ZIM3: variants seen among roughly 807,000 people sequenced by gnomAD.
The protein encoded by ZIM3 is zinc finger imprinted 3.
In ZIM3, 11 loss-of-function variants were observed where a neutral mutation model predicts 12.9. That is an observed-to-expected ratio of 0.85 (90% CI 0.54 to 1.41). ZIM3 has a LOEUF of 1.41. ZIM3 is among the 40% of genes most tolerant of loss of function. The pLI is 0.00. For missense variants in ZIM3, 604 were observed against 557.2 expected (o/e 1.08, Z -0.85); for synonymous variants, 205 against 198.5 (o/e 1.03, Z -0.28).
chr19:57,138,300 C>G (rs1030957909), intron 3 of ZIM3, among the ~76,000 whole-genome samples, 172 bp downstream of exon 3: 8 of 152,170 alleles, frequency 5.3e-5, no homozygotes, highest in African/African-American at 1.9e-4. Flanking sequence ...AATGGGGGCT[C>G]CTTCAATACA....
rs2086894913 is a variant in ZIM3, at chr19:57,137,919, GA to G, written c.142+552del. On this transcript the variant is annotated intron_variant, in intron 3 of 4. Transcript: ENST00000269834. ...GGAAGGAAAGAAGGAAGGAAGGAAG[GA>G]AAGAAGGAAGGAAGGAAGGAAGGAA... Among the ~76,000 whole-genome samples, 3 of 44,636 alleles carry G rather than the reference GA, an allele frequency of 6.7e-5. 1 individual carries two copies. The highest frequency in any genetic ancestry group is 1.3e-4 in the Non-Finnish European group (3 of 23,270). The allele number at this position is 44,636 out of a possible 152,430, so 29.3% of individuals were successfully genotyped here. A position where few individuals can be genotyped will look rare whatever the true frequency, so the allele number is the denominator to read the frequency against.
chr19:57,135,103 T>C lies in ZIM3; in HGVS notation c.1234A>G (p.Thr412Ala). 6.2e-7 allele frequency: 1 copy of C among 1,614,154 alleles called. No homozygotes were observed. The highest frequency in any genetic ancestry group is 1.1e-5 in the South Asian group (1 of 91,078). ...QKSNLHSHQK[T>A]HSGERTYRCS... ...CTATAGGTCCTCTCTCCGCTATGAG[T>C]TTTCTGATGGCTATGAAGGTTTGAC... Residue 412 changes from threonine (T) to alanine (A), a missense_variant, in exon 5 of 5, where the codon ACT becomes GCT. Thr to Ala is a moderately conservative substitution (Grantham distance 58). Transcript: ENST00000269834.
intron 3 of ZIM3, among the ~76,000 whole-genome samples, chr19:57,137,898 GGAAAGAAGGAAGGAAGGAAGGAAA>G (rs1568458766): frequency 5.2e-4 from 29 of 55,300 alleles, no homozygotes; most frequent in African/African-American, 2.2e-3. Flanking sequence ...AAAGAAGGAA[GGAAAGAAGGAAGGAAGGAAGGAAA>G]GAAGGAAGGA....
At chr19:57,139,052 C>A (rs2122665884) in intron 2 of ZIM3, among the ~76,000 whole-genome samples, 1 of 152,156 alleles carries the variant, frequency 6.6e-6, no homozygotes, top group Middle Eastern at 3.4e-3. Flanking sequence ...TTTGGCCGGG[C>A]ACGGTGGCTC....
Position 57,135,252 on chromosome 19 carries a change from G to C in ZIM3, c.1085C>G (p.Ala362Gly). ...DHEKIHTGKR[A>G]YECDLCGNTF... Reference sequence around the variant, plus strand: ...ATTTCCACATAGATCACACTCATAAGCTCTCTTCCCAGTGTGAATTTTCTC... The same window carrying C: ...ATTTCCACATAGATCACACTCATAACCTCTCTTCCCAGTGTGAATTTTCTC... Residue 362 changes from alanine (A) to glycine (G), a missense_variant, in exon 5 of 5, where the codon GCT becomes GGT. Transcript: ENST00000269834. 6.2e-7 allele frequency: 1 copy of C among 1,614,078 alleles called. No individual in the cohort carries two copies. The highest frequency in any genetic ancestry group is 8.5e-7 in the Non-Finnish European group (1 of 1,180,018).
intron 4 of ZIM3, among the ~76,000 whole-genome samples, chr19:57,136,671 A>G (rs369164970): frequency 1.4e-4 from 11 of 78,270 alleles, no homozygotes; most frequent in Admixed American, 6.9e-4. Context: ...AGAAAAAAAA[A>G]AAAAAGAAAA....
chr19:57,136,603 G>A (rs1025576304), intron 4 of ZIM3, among the ~76,000 whole-genome samples: 2 of 150,818 alleles, frequency 1.3e-5, no homozygotes, highest in African/African-American at 4.9e-5. Flanking sequence ...GGCGGAGGTT[G>A]CAGTGAGCCC....
chr19:57,143,287 C>T (rs1223506341), intron 1 of ZIM3, among the ~76,000 whole-genome samples: 3 of 150,794 alleles, frequency 2.0e-5, no homozygotes, highest in Admixed American at 6.6e-5. Context: ...GCCGAGATCG[C>T]GCCACCGCAC....
Position 57,135,834 on chromosome 19 carries a change from T to A in ZIM3, c.503A>T (p.Lys168Ile). ...NPSKFVGQQL[K>I]CNACRKLFSS... is the part of the protein sequence containing the mutation. ...GAATAACTTTCTACAGGCATTACAT[T>A]TCAGTTGTTGTCCTACAAATTTGGA... Residue 168 changes from lysine to isoleucine, a missense_variant, in exon 5 of 5, where the codon AAA (lysine) becomes ATA (isoleucine). By Grantham distance (102) the Lys-to-Ile change is moderately radical. Coordinates refer to ENST00000269834, the MANE Select transcript of ZIM3 (RefSeq NM_052882.1). 1 of 1,614,134 alleles carries A rather than the reference T, an allele frequency of 6.2e-7. No individual in the cohort carries two copies. The highest frequency in any genetic ancestry group is 8.5e-7 in the Non-Finnish European group (1 of 1,180,018).
In ZIM3 at chr19:57,145,061, G is replaced by A. The variant is rs12986338; in HGVS notation, c.-245C>T. On this transcript the variant is annotated 5_prime_UTR_variant, in exon 1 of 5. Transcript: ENST00000269834. ...CCAAAACACTCACTTCCTATCAAAA[G>A]CCCCACCTGATCCTATCAGGCCACA... 1 of 151,964 alleles carries A rather than the reference G, an allele frequency of 6.6e-6. No individual in the cohort carries two copies. The highest frequency in any genetic ancestry group is 2.4e-5 in the African/African-American group (1 of 41,450). 9.4% of individuals were successfully genotyped at this position (151,964 alleles called of 1,614,324 possible).
Position 57,137,950 on chromosome 19 carries a change from AGAAGGAAG to A in ZIM3, c.142+514_142+521del, listed in dbSNP as rs1198584772. Among the ~76,000 whole-genome samples the A allele has an allele frequency of 1.7e-3, 42 of 24,004 alleles. 1 individual carries two copies. In the East Asian group the frequency reaches 0.019, roughly 11 times the overall value. The allele number at this position is 24,004 out of a possible 152,430, so 15.7% of individuals were successfully genotyped here. A position where few individuals can be genotyped will look rare whatever the true frequency, so the allele number is the denominator to read the frequency against. On this transcript the variant is annotated intron_variant, in intron 3 of 4. Transcript: ENST00000269834. Reference sequence around the variant, plus strand: ...AGGAAGGAAGGAAGGAAGGAAGGAAAGAAGGAAGGAAGGAAGGAAAGAAGGAAGGAAAG... The same window carrying A: ...AGGAAGGAAGGAAGGAAGGAAGGAAAGAAGGAAGGAAAGAAGGAAGGAAAG...
chr19:57,138,306 A>G (rs1207020747), intron 3 of ZIM3, among the ~76,000 whole-genome samples, 166 bp downstream of exon 3: 2 of 152,170 alleles, frequency 1.3e-5, no homozygotes, highest in African/African-American at 4.8e-5. Context: ...GGCTCCTTCA[A>G]TACAGCACTT....
Position 57,138,480 on chromosome 19 carries a change from A to G in ZIM3, c.134T>C (p.Val45Ala). Residue 45 changes from valine (V) to alanine (A), a missense_variant, in exon 3 of 5, where the codon GTC (valine) becomes GCC (alanine). Physicochemically the swap from Val to Ala is moderately conservative, Grantham distance 64 (BLOSUM62 0). Transcript: ENST00000269834. ...CGGGAAGCCGTCCTTACCCACAGAG[A>G]CAAGGTTGCTGTAATTCTCCAGCAT... ...DVMLENYSNL[V>A]SVGQGETTKP... 6.2e-7 allele frequency: 1 copy of G among 1,614,106 alleles called. No homozygotes were observed. The highest frequency in any genetic ancestry group is 8.5e-7 in the Non-Finnish European group (1 of 1,180,010).
rs1335443598 is a variant in ZIM3 at position 57,135,130 on chromosome 19, T to C, written c.1207A>G (p.Lys403Glu). 4 of 1,614,120 alleles carry C rather than the reference T, an allele frequency of 2.5e-6. No individual in the cohort carries two copies. Among genetic ancestry groups the C allele is most frequent in the Non-Finnish European group, 3.4e-6 (4 of 1,180,048 alleles). ...TTCTGATGGCTATGAAGGTTTGACTTCTGAAAGAAGGCTTTTCCACATCTG... is the reference window on the plus strand; with the variant it reads ...TTCTGATGGCTATGAAGGTTTGACTCCTGAAAGAAGGCTTTTCCACATCTG... ...CNRCGKAFFQ[K>E]SNLHSHQKTH... Residue 403 changes from lysine (K) to glutamate (E), a missense_variant, in exon 5 of 5, where the codon AAG (lysine) becomes GAG (glutamate). By Grantham distance (56) the Lys-to-Glu change is moderately conservative (BLOSUM62 1). Coordinates refer to ENST00000269834, the MANE Select transcript of ZIM3 (RefSeq NM_052882.1).
At position 57,138,538 on chromosome 19, in the gene ZIM3, T is replaced by G. The variant is rs2086900199; in HGVS notation, c.76A>C (p.Asn26His). The G allele has an allele frequency of 1.2e-6, 2 of 1,614,118 alleles. No individual in the cohort carries two copies. Among genetic ancestry groups the G allele is most frequent in the Non-Finnish European group, 1.7e-6 (2 of 1,180,002 alleles). The change falls in exon 3 of 5, where the codon AAT becomes CAT. Residue 26 changes from asparagine to histidine, a missense_variant. Physicochemically the swap from Asn to His is moderately conservative, Grantham distance 68. Coordinates refer to ENST00000269834, the MANE Select transcript of ZIM3 (RefSeq NM_052882.1). ...CTGTACAAGTTTCTCTGTTCGGGAT[T>G]CAGCCGCTGCCACTCCCCCTGGGTG... Reference protein sequence around the residue: ...NFTQGEWQRLNPEQRNLYRDV... With the variant: ...NFTQGEWQRLHPEQRNLYRDV...
intron 1 of ZIM3, 126 bp downstream of exon 1, chr19:57,144,733 G>A (rs572135793): frequency 1.3e-5 from 2 of 152,026 alleles, no homozygotes; most frequent in African/African-American, 4.8e-5. Context: ...AACTACCAAT[G>A]TAAAATATTT....
intron 2 of ZIM3, among the ~76,000 whole-genome samples, chr19:57,142,141 G>C (rs998408106): frequency 9.4e-6 from 1 of 106,548 alleles, no homozygotes; most frequent in Admixed American, 1.2e-4. Flanking sequence ...CCGTAACCAA[G>C]CTTTTTTTTT....
At chr19:57,136,117 T>A (rs2086885811) in intron 4 of ZIM3, 22 bp from the exon 5 acceptor site, 3 of 1,588,290 alleles carry the variant, frequency 1.9e-6, no homozygotes, top group South Asian at 1.1e-5. Context: ...TACAAAAAAA[T>A]GTCCTGTGTA....
rs113621890 is a variant in ZIM3 at position 57,135,038 on chromosome 19, G to C, written c.1299C>G (p.Asn433Lys). The C allele has an allele frequency of 2.9e-4, 470 of 1,614,090 alleles. 2 individuals are homozygous for C. In the African/African-American group the frequency reaches 5.1e-3, roughly 17 times the overall value. The change falls in exon 5 of 5, where the codon AAC becomes AAG. Residue 433 changes from asparagine to lysine, a missense_variant. Transcript: ENST00000269834. Reference sequence around the variant, plus strand: ...TATGGGTTTTTTTATGCAAACTAAGGTTTAATTTCCGGATGAAGGTTTTTC... The same window carrying C: ...TATGGGTTTTTTTATGCAAACTAAGCTTTAATTTCCGGATGAAGGTTTTTC... ...ECGKTFIRKL[N>K]LSLHKKTHTG... is the part of the protein sequence containing the mutation.
Sources: allele counts gnomAD v4.1 joint callset (sites outside exome capture counted in the v4.1 genomes callset), GRCh38; gene constraint gnomAD v4.1.1; transcripts MANE v1.5; gene names NCBI Gene and HGNC (gene_info 2026-07-23, HGNC 2026-07-21).